BICRA: variants seen among roughly 807,000 people sequenced by gnomAD.
BICRA encodes the protein BRD4-interacting chromatin-remodeling complex-associated protein.
In BICRA, 31 loss-of-function variants were observed where a neutral mutation model predicts 96.9. The ratio of observed to expected loss-of-function variants is 0.32; its 90% confidence interval spans 0.24 to 0.43. The LOEUF is 0.43. Ranked by LOEUF, BICRA falls within the 20% of genes least tolerant of loss-of-function variation. BICRA has a pLI of 1.00. For synonymous variants in BICRA, 1,350 were observed against 1,071.8 expected (o/e 1.26, Z -5.07); for missense variants, 2,283 against 2,190.3 (o/e 1.04, Z -0.84).
chr19:47,666,977 G>A (rs776462986), intron 1 of BICRA, among the ~76,000 whole-genome samples: 18 of 151,778 alleles, frequency 1.2e-4, no homozygotes, highest in Non-Finnish European at 1.3e-4. Context: ...GTCACAACAC[G>A]GACTGTTTCC....
chr19:47,701,849 C>T lies in BICRA; in HGVS notation c.4117C>T (p.Arg1373Cys). The T allele has an allele frequency of 7.9e-6, 12 of 1,515,496 alleles. No individual in the cohort carries two copies. The highest frequency in any genetic ancestry group is 9.7e-6 in the Non-Finnish European group (11 of 1,135,678). The allele number at this position is 1,515,496 out of a possible 1,614,324, so 93.9% of individuals were successfully genotyped here. A position where few individuals can be genotyped will look rare whatever the true frequency, so the allele number is the denominator to read the frequency against. Residue 1373 changes from arginine to cysteine, a missense_variant, in exon 15 of 15, where the codon CGC (arginine) becomes TGC (cysteine). Transcript: ENST00000594866. The surrounding 1 kb of genome is among the most constrained non-coding windows in gnomAD (Gnocchi z 5.4). ...VDHPPPAAPE[R>C]KPLGTAPHCP... is the part of the protein sequence containing the mutation. ...CCACCCGCCGCCTGCCGCCCCCGAG[C>T]GCAAGCCCCTGGGCACCGCCCCGCA...
At chr19:47,636,347 C>T (rs1972300249) in intron 1 of BICRA, among the ~76,000 whole-genome samples, 1 of 152,162 alleles carries the variant, frequency 6.6e-6, no homozygotes, top group Non-Finnish European at 1.5e-5. Flanking sequence ...TCTGGGACTA[C>T]AGGCATGTGC....
chr19:47,656,797 C>T (rs1343521298), intron 1 of BICRA, among the ~76,000 whole-genome samples: 1 of 152,154 alleles, frequency 6.6e-6, no homozygotes, highest in African/African-American at 2.4e-5. Flanking sequence ...CTGCATCCCT[C>T]CCTTGAAGCG....
At chr19:47,672,823 G>A (rs1013021734) in intron 2 of BICRA, among the ~76,000 whole-genome samples, 2 of 151,974 alleles carry the variant, frequency 1.3e-5, no homozygotes, top group Non-Finnish European at 2.9e-5. Flanking sequence ...GTGAGCACTC[G>A]ACAAATGTTA....
chr19:47,673,876 T>A (rs1458063437), intron 4 of BICRA, 114 bp downstream of exon 4: 1 of 925,724 alleles, frequency 1.1e-6, no homozygotes, highest in East Asian at 2.4e-5. Flanking sequence ...TTGTGGCTTC[T>A]AACGCCAGGC....
intron 1 of BICRA, among the ~76,000 whole-genome samples, chr19:47,615,338 C>T (rs906024364): frequency 6.6e-6 from 1 of 152,220 alleles, no homozygotes. Context: ...AATGTGATCC[C>T]ACCTGTCGCC....
chr19:47,654,260 G>C (rs1972581901), intron 1 of BICRA, among the ~76,000 whole-genome samples: 1 of 152,164 alleles, frequency 6.6e-6, no homozygotes, highest in African/African-American at 2.4e-5. Flanking sequence ...CTCTGGTTCT[G>C]ATGTGCACTT....
chr19:47,680,008 G>T lies in BICRA; in HGVS notation c.838G>T (p.Val280Phe). 6.7e-7 allele frequency: 1 copy of T among 1,498,774 alleles called. No homozygotes were observed. The highest frequency in any genetic ancestry group is 8.8e-7 in the Non-Finnish European group (1 of 1,134,722). 92.8% of individuals were successfully genotyped at this position (1,498,774 alleles called of 1,614,324 possible). ...GCCCGTGACGCTGGCGTCGGCCGGT[G>T]TCTCGCCACAGGGGGCTGGCCTGGT... ...SEPVTLASAG[V>F]SPQGAGLVIQ... is the part of the protein sequence containing the mutation. The change falls in exon 6 of 15, where the codon GTC (valine) becomes TTC (phenylalanine). Residue 280 changes from valine (V) to phenylalanine (F), a missense_variant. Transcript: ENST00000594866.
intron 1 of BICRA, among the ~76,000 whole-genome samples, chr19:47,653,794 C>A (rs770471436): frequency 3.9e-5 from 6 of 152,164 alleles, no homozygotes; most frequent in African/African-American, 7.2e-5. Flanking sequence ...TTGCTTCTTG[C>A]AAGTAAAGGT....
intron 7 of BICRA, 76 bp downstream of exon 7, chr19:47,682,228 C>A: frequency 1.5e-6 from 1 of 647,176 alleles, no homozygotes; most frequent in Non-Finnish European, 2.6e-6. Context: ...CCGCTCCTCG[C>A]TCTCCGCCCT....
At chr19:47,685,772 TGTGTGTGTGTGTGTGCGC>T (rs1463107240) in intron 7 of BICRA, among the ~76,000 whole-genome samples, 54 of 133,736 alleles carry the variant, frequency 4.0e-4, no homozygotes, top group African/African-American at 1.6e-3. Flanking sequence ...TGTGTGTGTG[TGTGTGTGTGTGTGTGCGC>T]GCGCGCGCGC....
Position 47,694,326 on chromosome 19 carries a change from C to T in BICRA, c.2495C>T (p.Pro832Leu). 8.2e-7 allele frequency: 1 copy of T among 1,225,582 alleles called. No individual in the cohort carries two copies. The highest frequency in any genetic ancestry group is 1.2e-6 in the Non-Finnish European group (1 of 860,212). The allele number at this position is 1,225,582 out of a possible 1,614,324, so 75.9% of individuals were successfully genotyped here. Reference protein sequence around the residue: ...CPPPQAPPTLPGIFVIQNQLG... With the variant: ...CPPPQAPPTLLGIFVIQNQLG... ...CCACCCCAGGCCCCCCCAACTCTGC[C>T]TGGCATCTTTGTCATCCAAAACCAG... The change falls in exon 8 of 15, where the codon CCT (proline) becomes CTT (leucine). Residue 832 changes from proline (P) to leucine (L), a missense_variant. Transcript: ENST00000594866.
At chr19:47,647,532 C>T (rs1277123542) in intron 1 of BICRA, among the ~76,000 whole-genome samples, 5 of 152,056 alleles carry the variant, frequency 3.3e-5, no homozygotes, top group Non-Finnish European at 7.4e-5. Context: ...ACCTCTGCCC[C>T]GCTATGCATA....
Position 47,679,323 on chromosome 19 carries a change from C to A in BICRA, c.153C>A (p.Leu51=). The change falls in exon 6 of 15, where the codon CTC becomes CTA. Residue 51 remains leucine (L), a splice_region_variant and synonymous_variant. Transcript: ENST00000594866. Reference sequence around the variant, plus strand: ...TTCCCACCTTTCCCGGCCTGCAGCTCCATGTGCAAGAAGCTTCCGGCAACC... The same window carrying A: ...TTCCCACCTTTCCCGGCCTGCAGCTACATGTGCAAGAAGCTTCCGGCAACC... ...AQSAFYEGPG[L]HVQEASGNHL... is the part of the protein sequence containing the mutation. 1 of 1,426,192 alleles carries A rather than the reference C, an allele frequency of 7.0e-7. No homozygotes were observed. The highest frequency in any genetic ancestry group is 9.2e-7 in the Non-Finnish European group (1 of 1,088,764). The allele number at this position is 1,426,192 out of a possible 1,614,324, so 88.3% of individuals were successfully genotyped here.
chr19:47,694,092 C>CCCT, intron 7 of BICRA, 23 bp from the exon 8 acceptor site: 4 of 1,408,828 alleles, frequency 2.8e-6, no homozygotes, highest in South Asian at 3.0e-5. Flanking sequence ...CGCCCCTCCC[C>CCCT]TCTCCCTCCC....
chr19:47,645,266 T>C (rs1168624526), intron 1 of BICRA, among the ~76,000 whole-genome samples: 1 of 152,158 alleles, frequency 6.6e-6, no homozygotes, highest in Non-Finnish European at 1.5e-5. Context: ...TTTAGAAGGG[T>C]CCAGGCCAGT....
At chr19:47,610,074 C>G (rs1300792072) in intron 1 of BICRA, among the ~76,000 whole-genome samples, 1 of 152,202 alleles carries the variant, frequency 6.6e-6, no homozygotes, top group Non-Finnish European at 1.5e-5. Context: ...GGGCACCGCG[C>G]TCGGGTGGTG....
intron 1 of BICRA, among the ~76,000 whole-genome samples, chr19:47,633,783 G>A (rs1457000085): frequency 1.3e-5 from 2 of 152,248 alleles, no homozygotes; most frequent in East Asian, 3.8e-4. Context: ...CACCTGTAGT[G>A]AGTCATCGGG....
chr19:47,695,244 G>A lies in BICRA; in HGVS notation c.3077-121G>A, dbSNP rs571247135. ...GCCAGAGGTGGCAGGGCTGGCCCCA[G>A]ATTTGAAGGGCCGGAGGGCCAGGAG... On this transcript the variant is annotated intron_variant, in intron 9 of 14. Coordinates refer to ENST00000594866, the MANE Select transcript of BICRA (RefSeq NM_001394372.1). The A allele has an allele frequency of 2.4e-4, 185 of 761,926 alleles. No individual in the cohort carries two copies. The African/African-American group carries it at 3.0e-3, about 12-fold the overall frequency. The allele number at this position is 761,926 out of a possible 1,614,324, so 47.2% of individuals were successfully genotyped here.
Sources: gnomAD v4.1 joint callset for allele counts (sites outside exome capture counted in the v4.1 genomes callset) on GRCh38, gnomAD v4.1.1 for gene constraint, Gnocchi (gnomAD v3.1) non-coding constraint, MANE v1.5 for transcripts, NCBI Gene and HGNC (gene_info 2026-07-23, HGNC 2026-07-21) for gene names.